Variants in LIMK1 observed in about 807,000 individuals in gnomAD.
LIMK1 encodes LIM motif-containing protein kinase.
LIMK1 carries 21 observed loss-of-function variants against 77.6 expected under a neutral mutation model. The ratio of observed to expected loss-of-function variants is 0.27; its 90% confidence interval spans 0.19 to 0.39. The LOEUF (loss-of-function observed/expected upper bound fraction) is 0.39. Among genes scored for constraint, LIMK1 ranks in the 10% least tolerant of loss-of-function variants. The pLI, the probability that LIMK1 is intolerant of heterozygous loss-of-function variation, is 1.00. For synonymous variants in LIMK1, 358 were observed against 370.0 expected (o/e 0.97, Z 0.37); for missense variants, 696 against 901.6 (o/e 0.77, Z 2.92).
intron 12 of LIMK1, among the ~76,000 whole-genome samples, chr7:74,113,725 T>C (rs1267197600): frequency 6.6e-6 from 1 of 151,934 alleles, no homozygotes; most frequent in South Asian, 2.1e-4. Context: ...GGTCCCTCAA[T>C]AACCCATTAA....
intron 2 of LIMK1, chr7:74,093,180 G>A (rs782166361): frequency 3.7e-5 from 57 of 1,525,024 alleles, no homozygotes; most frequent in Non-Finnish European, 4.8e-5. Flanking sequence ...GAGGGAGGAT[G>A]GGGAAGCAGC....
intron 10 of LIMK1, chr7:74,109,981 C>T (rs1240662672): frequency 1.3e-5 from 2 of 152,198 alleles, no homozygotes; most frequent in African/African-American, 4.8e-5. Context: ...ACCTTGTATC[C>T]AAGGTGTGGA....
rs1554700451 is a variant in LIMK1 at position 74,120,947 on chromosome 7, G to A, written c.1679G>A (p.Gly560Asp). 1 of 1,614,106 alleles carries A rather than the reference G, an allele frequency of 6.2e-7. No homozygotes were observed. The highest frequency in any genetic ancestry group is 8.5e-7 in the Non-Finnish European group (1 of 1,179,990). ...PDYLPRTMDFGLNVRGFLDRY... is the reference protein window; with the variant it reads ...PDYLPRTMDFDLNVRGFLDRY... ...TACCTGCCCCGCACCATGGACTTTGGCCTCAACGTGCGAGGATTCCTGGAC... is the reference window on the plus strand; with the variant it reads ...TACCTGCCCCGCACCATGGACTTTGACCTCAACGTGCGAGGATTCCTGGAC... The change falls in exon 15 of 16, where the codon GGC (glycine) becomes GAC (aspartate). Residue 560 changes from glycine (G) to aspartate (D), a missense_variant. This residue lies in a region of LIMK1 where 438 missense variants were observed against 602.3 expected (regional missense o/e 0.73). Coordinates refer to ENST00000336180, the MANE Select transcript of LIMK1 (RefSeq NM_002314.4).
intron 5 of LIMK1, 22 bp downstream of exon 5, chr7:74,099,260 G>C: frequency 6.3e-7 from 1 of 1,598,760 alleles, no homozygotes; most frequent in Non-Finnish European, 8.5e-7. Flanking sequence ...GCCTGCCGAG[G>C]CTGCCGTCGG....
chr7:74,116,640 ATCTTC>A (rs1316244773), intron 13 of LIMK1, among the ~76,000 whole-genome samples: 2 of 150,572 alleles, frequency 1.3e-5, no homozygotes, highest in Non-Finnish European at 2.9e-5. Flanking sequence ...GCTGCAAAGC[ATCTTC>A]TCTTCTCTGA....
At chr7:74,107,380 C>G (rs1241265899) in intron 8 of LIMK1, among the ~76,000 whole-genome samples, 187 bp downstream of exon 8, 2 of 152,130 alleles carry the variant, frequency 1.3e-5, no homozygotes, top group African/African-American at 4.8e-5. Context: ...AGACTGAGAC[C>G]TTATGTGCGG....
At chr7:74,097,037 G>A (rs782016090) in intron 3 of LIMK1, 43 bp from the exon 4 acceptor site, 6 of 1,461,110 alleles carry the variant, frequency 4.1e-6, no homozygotes, top group East Asian at 2.3e-5. Context: ...GGGGGTTGTT[G>A]GGTCTGCTGA....
intron 2 of LIMK1, among the ~76,000 whole-genome samples, chr7:74,090,798 A>C (rs1217490962): frequency 2.0e-5 from 3 of 152,176 alleles, no homozygotes; most frequent in Non-Finnish European, 4.4e-5. Context: ...GCCCCTCTGC[A>C]TGCCCCTCCC....
intron 1 of LIMK1, among the ~76,000 whole-genome samples, chr7:74,084,435 AG>A (rs1360863630): frequency 6.6e-6 from 1 of 152,120 alleles, no homozygotes; most frequent in African/African-American, 2.4e-5. Flanking sequence ...CCCGGGTCCC[AG>A]TGGCCGCCGG....
chr7:74,109,131 A>T, intron 10 of LIMK1, 95 bp downstream of exon 10: 1 of 988,824 alleles, frequency 1.0e-6, no homozygotes, highest in East Asian at 2.6e-5. Flanking sequence ...AATGGGGGGA[A>T]GCCACAGGGG....
intron 5 of LIMK1, among the ~76,000 whole-genome samples, chr7:74,100,486 GAT>G (rs1224349386): frequency 6.6e-6 from 1 of 152,046 alleles, no homozygotes; most frequent in Non-Finnish European, 1.5e-5. Context: ...GCAGTGGTGT[GAT>G]ACCAGCTCAC....
intron 10 of LIMK1, 59 bp from the exon 11 acceptor site, chr7:74,111,589 C>A: frequency 3.5e-6 from 5 of 1,409,248 alleles, no homozygotes; most frequent in Non-Finnish European, 4.9e-6. Context: ...TCTCATGCAA[C>A]CATCCCTGCC....
chr7:74,108,023 C>T lies in LIMK1; in HGVS notation c.1152+66C>T, dbSNP rs1584123451. 33 of 1,210,306 alleles carry T rather than the reference C, an allele frequency of 2.7e-5. No individual in the cohort carries two copies. The South Asian group carries it at 4.1e-4, about 15-fold the overall frequency. The allele number at this position is 1,210,306 out of a possible 1,614,324, so 75.0% of individuals were successfully genotyped here. On this transcript the variant is annotated intron_variant, in intron 9 of 15. Coordinates refer to ENST00000336180, the MANE Select transcript of LIMK1 (RefSeq NM_002314.4). ...CAGGTGCTCACCCCTGCCCCATCAA[C>T]ACAGGTCGGAAAAGGGCTCTGGGAA...
intron 13 of LIMK1, among the ~76,000 whole-genome samples, chr7:74,118,626 C>G (rs111457341): frequency 6.7e-6 from 1 of 149,240 alleles, no homozygotes; most frequent in Non-Finnish European, 1.5e-5. Context: ...TTCGGGCGCC[C>G]GTAATCCCAG....
chr7:74,089,884 G>C (rs941040438), intron 2 of LIMK1, among the ~76,000 whole-genome samples: 3 of 152,082 alleles, frequency 2.0e-5, no homozygotes, highest in Admixed American at 2.0e-4. Flanking sequence ...CTGCGGTGAG[G>C]GGGGAGATGG....
chr7:74,107,627 C>G (rs1344075214), intron 8 of LIMK1, among the ~76,000 whole-genome samples: 1 of 149,856 alleles, frequency 6.7e-6, no homozygotes, highest in African/African-American at 2.5e-5. Flanking sequence ...CTGCAGTGAG[C>G]TATGATCATG....
chr7:74,113,791 C>T (rs1440660801), intron 12 of LIMK1, among the ~76,000 whole-genome samples: 2 of 152,118 alleles, frequency 1.3e-5, no homozygotes, highest in Non-Finnish European at 2.9e-5. Context: ...GGCCCTGCCT[C>T]TTAATACCGT....
At chr7:74,105,543 A>G (rs1157654646) in intron 5 of LIMK1, among the ~76,000 whole-genome samples, 1 of 151,446 alleles carries the variant, frequency 6.6e-6, no homozygotes, top group Non-Finnish European at 1.5e-5. Flanking sequence ...ATTCGAGACC[A>G]AACATACCTG....
At chr7:74,120,672 G>T (rs1554700390) in intron 14 of LIMK1, 34 bp downstream of exon 14, 2 of 1,611,316 alleles carry the variant, frequency 1.2e-6, no homozygotes, top group South Asian at 2.2e-5. Flanking sequence ...CGGTGTTGAG[G>T]CCTGGGCTCC....
Sources: gnomAD v4.1 joint callset for allele counts (sites outside exome capture counted in the v4.1 genomes callset) on GRCh38, gnomAD v4.1.1 for gene constraint, gnomAD v4.1.1 regional missense constraint, MANE v1.5 for transcripts, NCBI Gene and HGNC (gene_info 2026-07-23, HGNC 2026-07-21) for gene names.